The following ZNF484 variants were observed in gnomAD, a reference collection of about 807,000 sequenced individuals.
ZNF484 encodes KRAB box containing C2H2 type zinc finger bA526D8.4.
ZNF484 carries 11 observed loss-of-function variants against 12.9 expected under a neutral mutation model. That is an observed-to-expected ratio of 0.85 (90% CI 0.54 to 1.41). ZNF484 has a LOEUF of 1.41. Among genes scored for constraint, ZNF484 ranks in the 40% most tolerant of loss-of-function variants. The pLI, the probability that ZNF484 is intolerant of heterozygous loss-of-function variation, is 0.00. For synonymous variants in ZNF484, 289 were observed against 334.1 expected, an observed-to-expected ratio of 0.86 and a Z score of 1.47; for missense variants, 807 against 1,007.7, an observed-to-expected ratio of 0.80 and a Z score of 2.70.
chr9:92,868,493 T>G (rs997221986), intron 2 of ZNF484, among the ~76,000 whole-genome samples: 8 of 152,226 alleles, frequency 5.3e-5, no homozygotes, highest in African/African-American at 1.9e-4. Context: ...CTTTGTTTAC[T>G]GTTACTATAA....
chr9:92,855,972 A>T (rs1856423750), intron 3 of ZNF484, 69 bp from the exon 4 acceptor site: 1 of 1,552,770 alleles, frequency 6.4e-7, no homozygotes, highest in Admixed American at 1.8e-5. Context: ...TTTTTTTCCC[A>T]AAAAAGTTCA....
At chr9:92,862,407 GA>G (rs1008607755) in intron 2 of ZNF484, among the ~76,000 whole-genome samples, 1 of 151,926 alleles carries the variant, frequency 6.6e-6, no homozygotes, top group Non-Finnish European at 1.5e-5. Context: ...CAAATAGAGA[GA>G]AGAAAATTCT....
In ZNF484 at chr9:92,855,849, C is replaced by T. The variant is rs754940328; in HGVS notation, c.197G>A (p.Cys66Tyr). Residue 66 changes from cysteine (C) to tyrosine (Y), a missense_variant, in exon 4 of 5, where the codon TGT becomes TAT. Physicochemically the swap from Cys to Tyr is radical, Grantham distance 194 (BLOSUM62 -2). Transcript: ENST00000375495. Reference sequence around the variant, plus strand: ...ACTGGGGATCTCACCATCCAACATACATGGCTCTTCTTGTTCCAAGCTGAA... The same window carrying T: ...ACTGGGGATCTCACCATCCAACATATATGGCTCTTCTTGTTCCAAGCTGAA... ...VIFSLEQEEP[C>Y]MLDGEIPSQS... 6.2e-7 allele frequency: 1 copy of T among 1,614,180 alleles called. No homozygotes were observed. The highest frequency in any genetic ancestry group is 1.1e-5 in the South Asian group (1 of 91,086).
Position 92,847,609 on chromosome 9 carries a change from A to G in ZNF484, c.1178T>C (p.Phe393Ser), listed in dbSNP as rs1385904670. ...HFECTECGKAFTRKSTLSMHQ... is the reference protein window; with the variant it reads ...HFECTECGKASTRKSTLSMHQ... The stretch of plus-strand genomic sequence containing the variant: ...CATACTTAGTGTTGATTTCCTTGTG[A>G]AAGCTTTTCCACATTCAGTACATTC... Residue 393 changes from phenylalanine (F) to serine (S), a missense_variant, in exon 5 of 5, where the codon TTC (phenylalanine) becomes TCC (serine). Transcript: ENST00000375495. 3 of 1,613,972 alleles carry G rather than the reference A, an allele frequency of 1.9e-6. No homozygotes were observed. The African/African-American group carries it at 4.0e-5, about 22-fold the overall frequency.
Position 92,844,755 on chromosome 9 carries a change from T to C in ZNF484, c.*1473A>G, listed in dbSNP as rs145337655. ...AACACTGCCAACAAATGAAGAACAA[T>C]TTGTCACCACCAAACTCACAGTAAA... On this transcript the variant is annotated 3_prime_UTR_variant, in exon 5 of 5. Coordinates refer to ENST00000375495, the MANE Select transcript of ZNF484 (RefSeq NM_031486.4). 4.8e-4 allele frequency among the ~76,000 whole-genome samples: 73 copies of C among 152,246 alleles called. No individual in the cohort carries two copies. Among genetic ancestry groups the C allele is most frequent in the Middle Eastern group, 3.4e-3 (1 of 294 alleles).
chr9:92,850,277 A>G (rs117005889), intron 4 of ZNF484, among the ~76,000 whole-genome samples: 6,863 of 152,320 alleles, frequency 0.045, 211 homozygotes, highest in South Asian at 0.1. Context: ...TTCAGTGCAA[A>G]TGTAGTAGAA....
intron 4 of ZNF484, among the ~76,000 whole-genome samples, chr9:92,855,280 A>G (rs1409924891): frequency 6.6e-6 from 1 of 152,178 alleles, no homozygotes; most frequent in Non-Finnish European, 1.5e-5. Context: ...GGTACTCTCA[A>G]AGTCAACAAT....
intron 2 of ZNF484, among the ~76,000 whole-genome samples, chr9:92,871,431 G>A (rs1432420044): frequency 1.3e-5 from 2 of 152,040 alleles, no homozygotes; most frequent in African/African-American, 2.4e-5. Context: ...AGACATGTGG[G>A]ACAATAACAA....
intron 2 of ZNF484, among the ~76,000 whole-genome samples, chr9:92,859,601 C>T (rs769445462): frequency 1.8e-4 from 27 of 152,138 alleles, no homozygotes; most frequent in Non-Finnish European, 2.6e-4. Flanking sequence ...CTACACATAC[C>T]TACAAAGTTC....
chr9:92,877,266 G>GA (rs1213848996), intron 1 of ZNF484, among the ~76,000 whole-genome samples: 2 of 151,798 alleles, frequency 1.3e-5, no homozygotes, highest in Non-Finnish European at 2.9e-5. Context: ...AAGAAAAAGA[G>GA]AAAAAAATTA....
intron 2 of ZNF484, among the ~76,000 whole-genome samples, chr9:92,864,967 G>A (rs1335267389): frequency 6.6e-6 from 1 of 152,010 alleles, no homozygotes; most frequent in Non-Finnish European, 1.5e-5. Flanking sequence ...GGATTATACA[G>A]AAGATCTGAA....
Position 92,849,364 on chromosome 9 carries a change from G to T in ZNF484, c.236-813C>A, listed in dbSNP as rs371822512. On this transcript the variant is annotated intron_variant, in intron 4 of 4. Transcript: ENST00000375495. ...ATTTTAAATATACATAAATATATAG[G>T]TATAATAACTCATTTATATATAATA... 3.3e-4 allele frequency among the ~76,000 whole-genome samples: 50 copies of T among 151,742 alleles called. No homozygotes were observed. The East Asian group carries it at 4.8e-3, about 15-fold the overall frequency.
chr9:92,875,250 A>AT (rs1168200439), intron 1 of ZNF484, among the ~76,000 whole-genome samples, 191 bp from the exon 2 acceptor site: 23 of 152,262 alleles, frequency 1.5e-4, no homozygotes, highest in African/African-American at 5.1e-4. Flanking sequence ...AACATGGTTA[A>AT]TAAAAAAGAA....
At chr9:92,866,357 A>T (rs1293473608) in intron 2 of ZNF484, among the ~76,000 whole-genome samples, 1 of 152,264 alleles carries the variant, frequency 6.6e-6, no homozygotes. Context: ...TCTCAAAAGA[A>T]GACATTTATG....
intron 2 of ZNF484, among the ~76,000 whole-genome samples, chr9:92,871,136 G>C (rs1857404512): frequency 6.6e-6 from 1 of 152,096 alleles, no homozygotes; most frequent in Non-Finnish European, 1.5e-5. Flanking sequence ...TATGTTATCA[G>C]AATTATTTCA....
chr9:92,868,487 G>C (rs545103217), intron 2 of ZNF484, among the ~76,000 whole-genome samples: 2 of 152,224 alleles, frequency 1.3e-5, no homozygotes, highest in African/African-American at 4.8e-5. Context: ...AGCTGTCTTT[G>C]TTTACTGTTA....
chr9:92,864,718 A>G (rs553336486), intron 2 of ZNF484, among the ~76,000 whole-genome samples: 1 of 152,350 alleles, frequency 6.6e-6, no homozygotes, highest in Admixed American at 6.5e-5. Context: ...TCTAAAATAC[A>G]TAAAACAAAA....
intron 2 of ZNF484, among the ~76,000 whole-genome samples, chr9:92,871,516 T>C (rs997759348): frequency 3.9e-5 from 6 of 152,100 alleles, no homozygotes; most frequent in Non-Finnish European, 5.9e-5. Context: ...GAACAAGTAT[T>C]TGAAGAAATA....
At chr9:92,859,941 T>C (rs1006060304) in intron 2 of ZNF484, among the ~76,000 whole-genome samples, 1 of 152,152 alleles carries the variant, frequency 6.6e-6, no homozygotes, top group Non-Finnish European at 1.5e-5. Flanking sequence ...CTCCCAGCAA[T>C]GATGTGTGAT....
Sources: allele counts gnomAD v4.1 joint callset (sites outside exome capture counted in the v4.1 genomes callset), GRCh38; gene constraint gnomAD v4.1.1; transcripts MANE v1.5; gene names NCBI Gene and HGNC (gene_info 2026-07-23, HGNC 2026-07-21).